Variants in UPP2 observed in about 807,000 individuals in gnomAD.
UPP2 encodes the protein uridine phosphorylase 2, also known as UPase 2.
UPP2 carries 23 observed loss-of-function variants against 26.7 expected under a neutral mutation model. The ratio of observed to expected loss-of-function variants is 0.86; its 90% CI spans 0.62 to 1.22. The LOEUF (loss-of-function observed/expected upper bound fraction) is 1.22. Among genes scored for constraint, UPP2 ranks in the 50% most tolerant of loss-of-function variants. The pLI, the probability that UPP2 is intolerant of heterozygous loss-of-function variation, is 0.00. For synonymous variants in UPP2, 127 were observed against 141.3 expected, an observed-to-expected ratio of 0.90 and a Z score of 0.72; for missense variants, 387 against 396.7, an observed-to-expected ratio of 0.98 and a Z score of 0.21.
intron 2 of UPP2, among the ~76,000 whole-genome samples, chr2:158,012,739 AC>A (rs1350752806): frequency 6.6e-6 from 1 of 152,212 alleles, no homozygotes; most frequent in African/African-American, 2.4e-5. Context: ...AAATACTAAT[AC>A]ATAGAAGAAA....
chr2:158,047,244 G>T (rs1344207033), intron 3 of UPP2, among the ~76,000 whole-genome samples: 1 of 152,202 alleles, frequency 6.6e-6, no homozygotes, highest in Non-Finnish European at 1.5e-5. Context: ...CACACAGCGG[G>T]GGTATTGAGG....
intron 3 of UPP2, among the ~76,000 whole-genome samples, chr2:158,035,261 G>A (rs965360480): frequency 6.6e-6 from 1 of 151,572 alleles, no homozygotes; most frequent in South Asian, 2.1e-4. Context: ...GGGTTCAAGC[G>A]ATTCTCCTGC....
At chr2:158,118,544 G>C (rs370029486) in intron 4 of UPP2, among the ~76,000 whole-genome samples, 1 of 151,848 alleles carries the variant, frequency 6.6e-6, no homozygotes, top group African/African-American at 2.4e-5. Flanking sequence ...AGAGGCCTTG[G>C]TTTTGCTTCC....
At chr2:158,009,552 C>T (rs1177152136) in intron 2 of UPP2, among the ~76,000 whole-genome samples, 2 of 152,246 alleles carry the variant, frequency 1.3e-5, no homozygotes, top group African/African-American at 4.8e-5. Flanking sequence ...ACATAATCTT[C>T]ATGGAAAAGG....
chr2:158,122,365 GAAT>G (rs1266241313), intron 5 of UPP2, among the ~76,000 whole-genome samples: 1 of 151,804 alleles, frequency 6.6e-6, no homozygotes, highest in Admixed American at 6.6e-5. Context: ...AAGATATATT[GAAT>G]TTTAAAAAAT....
intron 3 of UPP2, among the ~76,000 whole-genome samples, chr2:158,057,271 G>A (rs1271135275): frequency 6.6e-6 from 1 of 152,140 alleles, no homozygotes; most frequent in African/African-American, 2.4e-5. Flanking sequence ...AAGTTGCTAT[G>A]CACAGCCCGC....
At chr2:158,062,338 G>T (rs1682365549) in intron 3 of UPP2, among the ~76,000 whole-genome samples, 2 of 152,292 alleles carry the variant, frequency 1.3e-5, no homozygotes, top group South Asian at 4.1e-4. Context: ...GTGGCTAGTG[G>T]CTACCATATT....
intron 3 of UPP2, among the ~76,000 whole-genome samples, chr2:158,084,934 T>C (rs1235702916): frequency 6.6e-6 from 1 of 152,158 alleles, no homozygotes; most frequent in East Asian, 1.9e-4. Flanking sequence ...ATGTGATGCC[T>C]CCAGATTTGT....
chr2:158,101,894 C>T lies in UPP2; in HGVS notation c.-170C>T. On this transcript the variant is annotated 5_prime_UTR_variant, in exon 1 of 7. Transcript: ENST00000005756. The stretch of plus-strand genomic sequence containing the variant: ...TTATTTGATAGGAAAATTTAAAATG[C>T]TAAAGGAAAAATTTTCTTAGCAATT... The T allele has an allele frequency of 7.4e-7, 1 of 1,345,186 alleles. No homozygotes were observed. Among genetic ancestry groups the T allele is most frequent in the Non-Finnish European group, 9.5e-7 (1 of 1,051,560 alleles). 83.3% of individuals were successfully genotyped at this position (1,345,186 alleles called of 1,614,324 possible).
intron 3 of UPP2, among the ~76,000 whole-genome samples, chr2:158,047,799 T>G (rs1401026405): frequency 2.0e-5 from 3 of 152,212 alleles, no homozygotes; most frequent in Non-Finnish European, 2.9e-5. Context: ...CAACAAGTAC[T>G]TGGTGAACAT....
At chr2:158,029,962 T>A (rs7599139) in intron 3 of UPP2, among the ~76,000 whole-genome samples, 1,816 of 152,290 alleles carry the variant, frequency 0.012, 39 homozygotes, top group African/African-American at 0.041. Context: ...AGGGTAGTCC[T>A]TCAAACTTTC....
At chr2:158,082,209 C>A (rs1471667048) in intron 3 of UPP2, among the ~76,000 whole-genome samples, 1 of 152,078 alleles carries the variant, frequency 6.6e-6, no homozygotes, top group Non-Finnish European at 1.5e-5. Flanking sequence ...CTTGGCCTCC[C>A]AAAGTGCTGG....
intron 4 of UPP2, among the ~76,000 whole-genome samples, chr2:158,119,149 G>T (rs780984013): frequency 3.7e-4 from 57 of 152,156 alleles, no homozygotes; most frequent in Non-Finnish European, 2.2e-4. Flanking sequence ...TGGGTTGTGG[G>T]TTACAAGGAT....
chr2:158,043,656 G>A (rs1266088696), intron 3 of UPP2, among the ~76,000 whole-genome samples: 1 of 152,168 alleles, frequency 6.6e-6, no homozygotes, highest in Non-Finnish European at 1.5e-5. Context: ...ATCATTCAAG[G>A]GTCTTGTATG....
intron 3 of UPP2, among the ~76,000 whole-genome samples, chr2:158,057,840 A>G (rs1682272918): frequency 6.6e-6 from 1 of 151,776 alleles, no homozygotes; most frequent in Non-Finnish European, 1.5e-5. Context: ...TTATAACCTC[A>G]TGTTATGAAC....
At chr2:158,066,221 A>G (rs1201416773) in intron 3 of UPP2, among the ~76,000 whole-genome samples, 1 of 152,226 alleles carries the variant, frequency 6.6e-6, no homozygotes, top group African/African-American at 2.4e-5. Context: ...CAAGCTAGAC[A>G]GATTTGGCAA....
At position 158,041,209 on chromosome 2, in the gene UPP2, T is replaced by C. The variant is rs772644071; in HGVS notation, c.147+25323T>C. ...GCATTTTTTTTACAATAAATGGTAT[T>C]TTTAAAGTACTGATTGAATTTTATT... On this transcript the variant is annotated intron_variant, in intron 3 of 9. Coordinates refer to the UPP2 transcript ENST00000605860. Among the ~76,000 whole-genome samples, 2 of 152,210 alleles carry C rather than the reference T, an allele frequency of 1.3e-5. 1 individual carries two copies. The highest frequency in any genetic ancestry group is 1.3e-4 in the Admixed American group (2 of 15,286).
intron 2 of UPP2, among the ~76,000 whole-genome samples, chr2:158,010,176 G>T (rs1353347294): frequency 6.6e-6 from 1 of 152,138 alleles, no homozygotes; most frequent in Non-Finnish European, 1.5e-5. Flanking sequence ...GAAGAATGAG[G>T]ATGAAGAAAA....
Position 158,069,062 on chromosome 2 carries a change from C to T in UPP2, c.148-32978C>T, listed in dbSNP as rs548113974. Among the ~76,000 whole-genome samples, 89 of 151,536 alleles carry T rather than the reference C, an allele frequency of 5.9e-4. 1 individual carries two copies. The South Asian group carries it at 0.012, about 20-fold the overall frequency. On this transcript the variant is annotated intron_variant, in intron 3 of 9. Transcript: ENST00000605860. ...TCCTGACCTCGTGATCCGCCCACCTCGGCCTCCCAAAGTGCTAGGATTACA... is the reference window on the plus strand; with the variant it reads ...TCCTGACCTCGTGATCCGCCCACCTTGGCCTCCCAAAGTGCTAGGATTACA...
Sources: allele counts gnomAD v4.1 joint callset (sites outside exome capture counted in the v4.1 genomes callset), GRCh38; gene constraint gnomAD v4.1.1; transcripts MANE v1.5; gene names NCBI Gene and HGNC (gene_info 2026-07-23, HGNC 2026-07-21).